Variants in SPRED2 observed in about 807,000 individuals in gnomAD.
SPRED2 encodes the protein sprouty-related, EVH1 domain-containing protein 2.
A neutral mutation model predicts 43.0 loss-of-function variants in SPRED2; 47 were observed. The ratio of observed to expected loss-of-function variants is 1.09; its 90% CI spans 0.87 to 1.40. The LOEUF (loss-of-function observed/expected upper bound fraction) is 1.40, where lower values mean the gene tolerates loss of function less well. Among genes scored for constraint, SPRED2 ranks in the 40% most tolerant of loss-of-function variants. The pLI is 0.00. For missense variants in SPRED2, 561 were observed against 586.4 expected, an observed-to-expected ratio of 0.96 and a Z score of 0.45; for synonymous variants, 225 against 225.7, an observed-to-expected ratio of 1.00 and a Z score of 0.03.
At chr2:65,350,670 T>C (rs1285161907) in intron 1 of SPRED2, among the ~76,000 whole-genome samples, 3 of 152,166 alleles carry the variant, frequency 2.0e-5, no homozygotes, top group Non-Finnish European at 2.9e-5. Flanking sequence ...GCAGGTGACA[T>C]TGTAAGTCAG....
Position 65,432,083 on chromosome 2 carries a change from G to A in SPRED2, c.-96C>T. The A allele has an allele frequency of 1.3e-6, 2 of 1,510,634 alleles. No homozygotes were observed. Among genetic ancestry groups the A allele is most frequent in the Non-Finnish European group, 9.1e-7 (1 of 1,097,532 alleles). 93.6% of individuals were successfully genotyped at this position (1,510,634 alleles called of 1,614,324 possible). ...CCCCTTCTTCACATCTCCGGAGATC[G>A]CCTGATTTGGGGAGGGGGGGCGGCT... On this transcript the variant is annotated 5_prime_UTR_variant, in exon 1 of 6. Coordinates refer to ENST00000356388, the MANE Select transcript of SPRED2 (RefSeq NM_181784.3).
intron 1 of SPRED2, among the ~76,000 whole-genome samples, chr2:65,364,831 C>T (rs1674928389): frequency 6.6e-6 from 1 of 151,796 alleles, no homozygotes; most frequent in Non-Finnish European, 1.5e-5. Context: ...ATTAGTTATT[C>T]TGTCTTTAAA....
At chr2:65,431,668 C>G (rs1051997555) in intron 1 of SPRED2, among the ~76,000 whole-genome samples, 1 of 152,138 alleles carries the variant, frequency 6.6e-6, no homozygotes, top group Admixed American at 6.5e-5. Flanking sequence ...GGCGGGGGAG[C>G]TGTAAGTCCT....
chr2:65,338,638 C>T (rs1323798507), intron 2 of SPRED2, among the ~76,000 whole-genome samples: 2 of 151,540 alleles, frequency 1.3e-5, no homozygotes, highest in East Asian at 3.9e-4. Context: ...GGCGTGATCT[C>T]GGCTCGCTAC....
intron 1 of SPRED2, among the ~76,000 whole-genome samples, chr2:65,417,159 G>C (rs1676303629): frequency 6.6e-6 from 1 of 152,016 alleles, no homozygotes; most frequent in African/African-American, 2.4e-5. Context: ...TGCTGTCTAT[G>C]ACCACACCAC....
chr2:65,401,937 G>GCGCGCGCGCACACACACACA (rs776512353), intron 1 of SPRED2, among the ~76,000 whole-genome samples: 57 of 114,750 alleles, frequency 5.0e-4, no homozygotes, highest in Non-Finnish European at 5.2e-4. Context: ...GCGCGCGCGC[G>GCGCGCGCGCACACACACACA]CACACACACA....
intron 1 of SPRED2, among the ~76,000 whole-genome samples, chr2:65,376,756 C>G (rs1675247456): frequency 6.6e-6 from 1 of 152,142 alleles, no homozygotes; most frequent in Admixed American, 6.6e-5. Flanking sequence ...ACTCTGTTGC[C>G]CAGTCTGGAG....
intron 1 of SPRED2, among the ~76,000 whole-genome samples, chr2:65,399,582 C>T (rs1219465238): frequency 6.6e-6 from 1 of 151,876 alleles, no homozygotes; most frequent in African/African-American, 2.4e-5. Context: ...GGGGTTTCAC[C>T]ATGTTGGCGA....
intron 1 of SPRED2, among the ~76,000 whole-genome samples, chr2:65,364,578 A>G (rs1387738891): frequency 6.6e-6 from 1 of 152,240 alleles, no homozygotes; most frequent in Non-Finnish European, 1.5e-5. Flanking sequence ...TTCAATGGTC[A>G]GTATACCCTC....
chr2:65,325,807 G>A (rs1673593746), intron 4 of SPRED2, among the ~76,000 whole-genome samples: 1 of 152,124 alleles, frequency 6.6e-6, no homozygotes, highest in Non-Finnish European at 1.5e-5. Context: ...ATACAAAATA[G>A]AAAATATCTT....
At chr2:65,359,512 A>G (rs939696787) in intron 1 of SPRED2, among the ~76,000 whole-genome samples, 1 of 152,026 alleles carries the variant, frequency 6.6e-6, no homozygotes, top group African/African-American at 2.4e-5. Context: ...AAGACTCATG[A>G]TTTTCACAGA....
chr2:65,344,736 G>T lies in SPRED2; in HGVS notation c.187C>A (p.Arg63=), dbSNP rs780902942. 2.5e-6 allele frequency: 4 copies of T among 1,614,064 alleles called. No homozygotes were observed. The highest frequency in any genetic ancestry group is 2.5e-6 in the Non-Finnish European group (3 of 1,179,988). ...GCCATTACCAGTTTGTCTTTCTGTC[G>T]TTCACCATGGATGAGAAAGCCGCTT... ...GRSGFLIHGE[R]QKDKLVVLEC... is the part of the protein sequence containing the mutation. Residue 63 remains arginine (R), a synonymous_variant, in exon 2 of 6, where the codon CGA becomes AGA. Coordinates refer to ENST00000356388, the MANE Select transcript of SPRED2 (RefSeq NM_181784.3).
intron 2 of SPRED2, among the ~76,000 whole-genome samples, chr2:65,335,291 T>C (rs1410921488): frequency 6.6e-6 from 1 of 152,222 alleles, no homozygotes; most frequent in African/African-American, 2.4e-5. Context: ...CCTGTATTAT[T>C]AATCACCAGG....
At position 65,312,893 on chromosome 2, in the gene SPRED2, A is replaced by G; in HGVS notation, c.*608T>C. On this transcript the variant is annotated 3_prime_UTR_variant, in exon 6 of 6. Transcript: ENST00000356388. Reference sequence around the variant, plus strand: ...ATAGAAACTGCAGCTTACATGGGAAATTTGGCTTTAGAAAAGTTAAAGCGA... The same window carrying G: ...ATAGAAACTGCAGCTTACATGGGAAGTTTGGCTTTAGAAAAGTTAAAGCGA... 1.0e-6 allele frequency: 1 copy of G among 985,874 alleles called. No homozygotes were observed. The highest frequency in any genetic ancestry group is 1.2e-6 in the Non-Finnish European group (1 of 829,938). 61.1% of individuals were successfully genotyped at this position (985,874 alleles called of 1,614,324 possible). A position where few individuals can be genotyped will look rare whatever the true frequency, so the allele number is the denominator to read the frequency against.
intron 1 of SPRED2, among the ~76,000 whole-genome samples, chr2:65,369,956 AAGCAAAACTAGCTGTAACTATAC>A (rs1675084844): frequency 6.6e-6 from 1 of 152,262 alleles, no homozygotes; most frequent in African/African-American, 2.4e-5. Flanking sequence ...GGCAGGTAAG[AAGCAAAACTAGCTGTAACTATAC>A]AGCAAAACTT....
chr2:65,431,952 C>A lies in SPRED2; in HGVS notation c.26+10G>T, dbSNP rs1370961323. 1 of 1,613,836 alleles carries A rather than the reference C, an allele frequency of 6.2e-7. No homozygotes were observed. The highest frequency in any genetic ancestry group is 8.5e-7 in the Non-Finnish European group (1 of 1,179,984). On this transcript the variant is annotated intron_variant, in intron 1 of 5. Coordinates refer to ENST00000356388, the MANE Select transcript of SPRED2 (RefSeq NM_181784.3). ...GGGGCACCCTCGTCCCACCCCGCGACCAAACTTACTCGTCTGGGTGTGTTT... is the reference window on the plus strand; with the variant it reads ...GGGGCACCCTCGTCCCACCCCGCGAACAAACTTACTCGTCTGGGTGTGTTT...
intron 1 of SPRED2, among the ~76,000 whole-genome samples, chr2:65,426,571 T>C (rs1481941337): frequency 1.3e-5 from 2 of 151,948 alleles, no homozygotes; most frequent in African/African-American, 4.8e-5. Context: ...GGGAAAAAAA[T>C]AATACACACA....
At chr2:65,344,353 C>G (rs1674277270) in intron 2 of SPRED2, 1 of 339,498 alleles carries the variant, frequency 2.9e-6, no homozygotes, top group Non-Finnish European at 5.8e-6. Flanking sequence ...CATGAATAAA[C>G]TCTACATTTT....
chr2:65,312,982 C>T lies in SPRED2; in HGVS notation c.*519G>A. On this transcript the variant is annotated 3_prime_UTR_variant, in exon 6 of 6. Transcript: ENST00000356388. ...CCTATACATAATAACTGACTGCAGGCTGAGATACTTCTGTCGGGTTTCATC... is the reference window on the plus strand; with the variant it reads ...CCTATACATAATAACTGACTGCAGGTTGAGATACTTCTGTCGGGTTTCATC... 4 of 985,834 alleles carry T rather than the reference C, an allele frequency of 4.1e-6. No homozygotes were observed. The highest frequency in any genetic ancestry group is 4.8e-6 in the Non-Finnish European group (4 of 830,180). The allele number at this position is 985,834 out of a possible 1,614,324, so 61.1% of individuals were successfully genotyped here. A position where few individuals can be genotyped will look rare whatever the true frequency, so the allele number is the denominator to read the frequency against.
Sources: allele counts gnomAD v4.1 joint callset (sites outside exome capture counted in the v4.1 genomes callset), GRCh38; gene constraint gnomAD v4.1.1; transcripts MANE v1.5; gene names NCBI Gene and HGNC (gene_info 2026-07-23, HGNC 2026-07-21).